The following HERC1 variants were observed in gnomAD, a reference collection of about 807,000 sequenced individuals.
The protein encoded by HERC1 is HECT and RLD domain containing E3 ubiquitin protein ligase family member 1.
In HERC1, 160 loss-of-function variants were observed where a neutral mutation model predicts 554.3. That is an observed-to-expected ratio of 0.29 (90% confidence interval 0.25 to 0.33). The LOEUF is 0.33. Ranked by LOEUF, HERC1 falls within the 10% of genes least tolerant of loss-of-function variation. The probability of loss-of-function intolerance (pLI) is 1.00; values close to 1 mark genes in which losing one functional copy is unlikely to be tolerated. For synonymous variants in HERC1, 2,175 were observed against 2,131.7 expected, an observed-to-expected ratio of 1.02 and a Z score of -0.56; for missense variants, 4,919 against 5,918.5, an observed-to-expected ratio of 0.83 and a Z score of 5.54.
At chr15:63,717,701 T>C (rs748495924) in intron 21 of HERC1, among the ~76,000 whole-genome samples, 3 of 152,074 alleles carry the variant, frequency 2.0e-5, no homozygotes, top group Non-Finnish European at 4.4e-5. Flanking sequence ...TGAAACCCCA[T>C]GTCTACTAAA....
In HERC1 at chr15:63,718,574, C is replaced by A; in HGVS notation, c.3978G>T (p.Trp1326Cys). 1 of 1,557,528 alleles carries A rather than the reference C, an allele frequency of 6.4e-7. No individual in the cohort carries two copies. ...GAAATTAATTGATTTCAAACTTTACCCATCTGTCCCGTGATGATGACCTTG... is the reference window on the plus strand; with the variant it reads ...GAAATTAATTGATTTCAAACTTTACACATCTGTCCCGTGATGATGACCTTG... ...IQTRSSSRDR[W>C]ISENQDSADV... Residue 1326 changes from tryptophan (W) to cysteine (C), a missense_variant and splice_region_variant, in exon 21 of 78, where the codon TGG becomes TGT. By Grantham distance (215) the Trp-to-Cys change is radical. Transcript: ENST00000443617. The surrounding 1 kb of genome is among the most constrained non-coding windows in gnomAD (Gnocchi z 4.2).
intron 1 of HERC1, among the ~76,000 whole-genome samples, chr15:63,819,169 T>G (rs906658244): frequency 6.6e-6 from 1 of 152,050 alleles, no homozygotes; most frequent in Non-Finnish European, 1.5e-5. Flanking sequence ...TACAAAGAAA[T>G]AGCAATTTCT....
rs2067484269 is a variant in HERC1, at chr15:63,609,196, A to C, written c.14471T>G (p.Leu4824Arg). 5 of 1,613,766 alleles carry C rather than the reference A, an allele frequency of 3.1e-6. No homozygotes were observed. Among genetic ancestry groups the C allele is most frequent in the Non-Finnish European group, 4.2e-6 (5 of 1,179,820 alleles). ...ATAGCGCAGGCGCTCGGCCATGACC[A>C]GCTGGCTGGAGTACGGGGGCAGCCT... is the stretch of plus-strand genomic sequence containing the variant. Reference protein sequence around the residue: ...QLRLPPYSSQLVMAERLRYAI... With the variant: ...QLRLPPYSSQRVMAERLRYAI... The change falls in exon 78 of 78, where the codon CTG (leucine) becomes CGG (arginine). Residue 4824 changes from leucine (L) to arginine (R), a missense_variant. By Grantham distance (102) the Leu-to-Arg change is moderately radical (BLOSUM62 -2). Around this residue, in one of 11 missense-constraint regions of HERC1, gnomAD observed 71 missense variants for 101.4 expected, o/e 0.70. Coordinates refer to ENST00000443617, the MANE Select transcript of HERC1 (RefSeq NM_003922.4).
intron 24 of HERC1, among the ~76,000 whole-genome samples, chr15:63,707,169 C>G (rs917798110): frequency 5.3e-5 from 8 of 152,178 alleles, no homozygotes; most frequent in African/African-American, 1.9e-4. Flanking sequence ...ATGCCTAAAG[C>G]CTTGAAGTAG....
At chr15:63,652,706 G>A (rs1256411727) in intron 51 of HERC1, among the ~76,000 whole-genome samples, 165 bp from the exon 52 acceptor site, 2 of 152,186 alleles carry the variant, frequency 1.3e-5, no homozygotes, top group African/African-American at 2.4e-5. Context: ...AGACTGGAGT[G>A]CAGTGGCTCA....
rs1388329531 is a variant in HERC1 at position 63,774,945 on chromosome 15, T to C, written c.679A>G (p.Thr227Ala). The change falls in exon 2 of 78, where the codon ACA (threonine) becomes GCA (alanine). Residue 227 changes from threonine (T) to alanine (A), a missense_variant. This residue lies in a region of HERC1 where 744 missense variants were observed against 1,090.0 expected (regional missense o/e 0.68). Transcript: ENST00000443617. ...GGAATAGTGACTCCTTTAAGAAATG[T>C]TGTTACTTGCGATAAGCAGTCCAAG... ...MGLDCLSQVT[T>A]FLKGVTIPNS... 1.1e-5 allele frequency: 17 copies of C among 1,613,914 alleles called. No homozygotes were observed. The South Asian group carries it at 1.5e-4, about 15-fold the overall frequency.
chr15:63,674,813 A>T lies in HERC1; in HGVS notation c.7375T>A (p.Ser2459Thr), dbSNP rs1566998606. 1 of 1,613,798 alleles carries T rather than the reference A, an allele frequency of 6.2e-7. No homozygotes were observed. The change falls in exon 38 of 78, where the codon TCA (serine) becomes ACA (threonine). Residue 2459 changes from serine (S) to threonine (T), a missense_variant. Ser to Thr is a moderately conservative substitution (Grantham distance 58). Coordinates refer to ENST00000443617, the MANE Select transcript of HERC1 (RefSeq NM_003922.4). ...GAAAATGAAGCGATTTCATTTTCTGATTTGGAGCTTGTGGTACTCTGACTT... is the reference window on the plus strand; with the variant it reads ...GAAAATGAAGCGATTTCATTTTCTGTTTTGGAGCTTGTGGTACTCTGACTT... ...VKSQSTTSSK[S>T]ENEIASFSLD...
At chr15:63,636,245 T>A in intron 64 of HERC1, 103 bp from the exon 65 acceptor site, 1 of 922,018 alleles carries the variant, frequency 1.1e-6, no homozygotes, top group Non-Finnish European at 1.6e-6. Flanking sequence ...ACCGAATTGG[T>A]ACTATGAAAA....
At chr15:63,632,507 G>C in intron 68 of HERC1, 1 of 651,084 alleles carries the variant, frequency 1.5e-6, no homozygotes, top group South Asian at 1.6e-5. Context: ...GGCATAAGGG[G>C]TCTTAATGGG....
intron 12 of HERC1, among the ~76,000 whole-genome samples, chr15:63,744,290 T>TAGCACAGCACC (rs1028140528): frequency 6.6e-6 from 1 of 151,992 alleles, no homozygotes; most frequent in Admixed American, 6.6e-5. Context: ...GACCTAAAGC[T>TAGCACAGCACC]AGCACAGCAC....
At chr15:63,613,884 G>C (rs1348015262) in intron 76 of HERC1, among the ~76,000 whole-genome samples, 1 of 152,160 alleles carries the variant, frequency 6.6e-6, no homozygotes, top group Non-Finnish European at 1.5e-5. Flanking sequence ...GAGATTGGCA[G>C]TAAAGGCAGT....
At chr15:63,717,103 T>G (rs1002857910) in intron 21 of HERC1, among the ~76,000 whole-genome samples, 7 of 152,260 alleles carry the variant, frequency 4.6e-5, no homozygotes, top group Admixed American at 6.5e-5. Context: ...ATGAAAAATT[T>G]TAATTGTTAT....
rs191123293 is a variant in HERC1, at chr15:63,766,543, C to A, written c.931-2352G>T. ...GCGGAGGTTGCAGATCGCACCACTG[C>A]ACTCCAGCCTAGGTGACAGAATGAG... On this transcript the variant is annotated intron_variant, in intron 2 of 77. Transcript: ENST00000443617. Among the ~76,000 whole-genome samples the A allele has an allele frequency of 3.9e-5, 6 of 152,338 alleles. No individual in the cohort carries two copies. In the East Asian group the frequency reaches 1.2e-3, roughly 29 times the overall value.
rs1397926706 is a variant in HERC1, at chr15:63,666,433, G to A, written c.8246C>T (p.Pro2749Leu). The A allele has an allele frequency of 6.2e-7, 1 of 1,613,454 alleles. No homozygotes were observed. The highest frequency in any genetic ancestry group is 8.5e-7 in the Non-Finnish European group (1 of 1,179,728). The change falls in exon 41 of 78, where the codon CCT becomes CTT. Residue 2749 changes from proline to leucine, a missense_variant. By Grantham distance (98) the Pro-to-Leu change is moderately conservative. This residue lies in a region of HERC1 where 1,963 missense variants were observed against 2,228.6 expected (regional missense o/e 0.88). Coordinates refer to ENST00000443617, the MANE Select transcript of HERC1 (RefSeq NM_003922.4). ...DPSSRLSTSP[P>L]PPAIAVPLLE... ...CAAGGGAACTGCAATTGCTGGAGGA[G>A]GAGGAGAAGTTGAAAGTCTACTGCT...
chr15:63,750,200 G>A (rs546539460), intron 8 of HERC1, among the ~76,000 whole-genome samples: 1 of 152,260 alleles, frequency 6.6e-6, no homozygotes, highest in Non-Finnish European at 1.5e-5. Flanking sequence ...ATATAAAATG[G>A]ATTATATAAA....
At chr15:63,665,831 A>G (rs1018679224) in intron 42 of HERC1, 88 bp downstream of exon 42, 5 of 932,062 alleles carry the variant, frequency 5.4e-6, no homozygotes, top group Admixed American at 4.5e-5. Flanking sequence ...TTTACATACA[A>G]TTAGAAGCAT....
At chr15:63,798,720 C>A (rs1317053672) in intron 1 of HERC1, among the ~76,000 whole-genome samples, 1 of 152,164 alleles carries the variant, frequency 6.6e-6, no homozygotes, top group Non-Finnish European at 1.5e-5. Flanking sequence ...TATTTTAATT[C>A]TCTGCCATAC....
At position 63,645,523 on chromosome 15, in the gene HERC1, G is replaced by A; in HGVS notation, c.11038C>T (p.Leu3680Phe). 6.2e-7 allele frequency: 1 copy of A among 1,612,304 alleles called. No individual in the cohort carries two copies. The highest frequency in any genetic ancestry group is 1.7e-4 in the Middle Eastern group (1 of 6,058). The part of the protein sequence containing the change: ...SIVNGIAWCR[L>F]PGKGSKLQLL... The stretch of plus-strand genomic sequence containing the variant: ...TGCAACTTGGATCCTTTCCCTGGAA[G>A]GCGGCACCAAGCAATGCCATTTACA... The change falls in exon 56 of 78, where the codon CTT (leucine) becomes TTT (phenylalanine). Residue 3680 changes from leucine (L) to phenylalanine (F), a missense_variant. Physicochemically the swap from Leu to Phe is conservative, Grantham distance 22. Transcript: ENST00000443617.
chr15:63,677,804 T>C lies in HERC1; in HGVS notation c.7070+41A>G. Reference sequence around the variant, plus strand: ...GACAGGCAATGGCCTATTTCACCATTAAATATTTGTTTGCTAAAAGTGTAA... The same window carrying C: ...GACAGGCAATGGCCTATTTCACCATCAAATATTTGTTTGCTAAAAGTGTAA... On this transcript the variant is annotated intron_variant, in intron 37 of 77. Coordinates refer to ENST00000443617, the MANE Select transcript of HERC1 (RefSeq NM_003922.4). The surrounding 1 kb of genome is among the most constrained non-coding windows in gnomAD (Gnocchi z 4.4). The C allele has an allele frequency of 6.4e-7, 1 of 1,574,676 alleles. No individual in the cohort carries two copies. The highest frequency in any genetic ancestry group is 2.2e-5 in the East Asian group (1 of 44,450).
Sources: allele counts gnomAD v4.1 joint callset (sites outside exome capture counted in the v4.1 genomes callset), GRCh38; gene constraint gnomAD v4.1.1; regional missense constraint gnomAD v4.1.1; non-coding constraint Gnocchi (gnomAD v3.1); transcripts MANE v1.5; gene names NCBI Gene and HGNC (gene_info 2026-07-23, HGNC 2026-07-21).